Variants in NOMO2 observed in about 807,000 individuals in gnomAD.
The protein encoded by NOMO2 is NODAL modulator 2, also known as BOS complex subunit NOMO2.
A neutral mutation model predicts 67.1 loss-of-function variants in NOMO2; 14 were observed. The ratio of observed to expected loss-of-function variants is 0.21; its 90% CI spans 0.14 to 0.33. NOMO2 has a LOEUF of 0.33. Ranked by LOEUF, NOMO2 falls within the 10% of genes least tolerant of loss-of-function variation. The pLI is 1.00. For synonymous variants in NOMO2, 80 were observed against 305.9 expected (o/e 0.26, Z 7.71); for missense variants, 178 against 761.0 (o/e 0.23, Z 9.01).
At position 18,561,195 on chromosome 16, in the gene NOMO2, A is replaced by AAAAAC. The variant is rs1555467966; in HGVS notation, c.165+680_165+681insGTTTT. ...AATTAAAAAAAAAAAAAAAAAAAAAAAAAAAAAAAAAACCTTTACAAATCT... is the reference window on the plus strand; with the variant it reads ...AATTAAAAAAAAAAAAAAAAAAAAAAAAAACAAAAAAAAAAAACCTTTACAAATCT... On this transcript the variant is annotated intron_variant, in intron 1 of 30. Transcript: ENST00000622306. Among the ~76,000 whole-genome samples the AAAAAC allele has an allele frequency of 3.7e-4, 37 of 100,422 alleles. 2 individuals are homozygous for AAAAAC. Among genetic ancestry groups the AAAAAC allele is most frequent in the Non-Finnish European group, 5.5e-4 (28 of 51,196 alleles). The allele number at this position is 100,422 out of a possible 152,430, so 65.9% of individuals were successfully genotyped here.
At chr16:18,535,266 G>A (rs1008883275) in intron 11 of NOMO2, among the ~76,000 whole-genome samples, 3 of 150,674 alleles carry the variant, frequency 2.0e-5, no homozygotes, top group African/African-American at 4.9e-5. Flanking sequence ...GCAGTGAGCC[G>A]AGATGGCGCC....
intron 5 of NOMO2, 47 bp downstream of exon 5, chr16:18,549,467 ACCCCTGT>A (rs1901729237): frequency 1.4e-6 from 1 of 723,262 alleles, no homozygotes; most frequent in African/African-American, 1.8e-5. Context: ...CAGCTCCATG[ACCCCTGT>A]CAGAGCCCGG....
At chr16:18,548,440 GCAATTTACT>G (rs1401116833) in intron 5 of NOMO2, among the ~76,000 whole-genome samples, 1 of 150,972 alleles carries the variant, frequency 6.6e-6, no homozygotes, top group Non-Finnish European at 1.5e-5. Flanking sequence ...CTTCTATTTT[GCAATTTACT>G]CAGTTTGTAT....
Position 18,556,442 on chromosome 16 carries a change from CAAAA to C in NOMO2, c.255+1256_255+1259del, listed in dbSNP as rs537109562. Among the ~76,000 whole-genome samples the C allele has an allele frequency of 3.7e-5, 3 of 80,372 alleles. No homozygotes were observed. The Admixed American group carries it at 4.3e-4, about 11-fold the overall frequency. The allele number at this position is 80,372 out of a possible 152,430, so 52.7% of individuals were successfully genotyped here. A position where few individuals can be genotyped will look rare whatever the true frequency, so the allele number is the denominator to read the frequency against. ...TGGCTGACAGAGTGAGACTCTGTCT[CAAAA>C]AAAAAAAAAAAAGTCAGTAGATCTA... On this transcript the variant is annotated intron_variant, in intron 2 of 30. Coordinates refer to ENST00000622306, the MANE Select transcript of NOMO2 (RefSeq NM_173614.4).
chr16:18,534,098 C>T (rs1901366588), intron 11 of NOMO2, among the ~76,000 whole-genome samples: 1 of 151,908 alleles, frequency 6.6e-6, no homozygotes, highest in Non-Finnish European at 1.5e-5. Flanking sequence ...AATGTTGGAA[C>T]CACCACTCCG....
chr16:18,558,154 C>A (rs1377906845), intron 1 of NOMO2, among the ~76,000 whole-genome samples: 4 of 143,458 alleles, frequency 2.8e-5, no homozygotes, highest in African/African-American at 1.0e-4. Context: ...TGGCTGGGCA[C>A]GGTGGCTCAT....
At chr16:18,543,558 C>T (rs1901595049) in intron 7 of NOMO2, 59 bp downstream of exon 7, 3 of 1,609,752 alleles carry the variant, frequency 1.9e-6, no homozygotes, top group Non-Finnish European at 2.5e-6. Context: ...ATGTTCTGGT[C>T]TATAATCCCC....
intron 16 of NOMO2, among the ~76,000 whole-genome samples, chr16:18,526,864 C>T (rs1901157397): frequency 6.6e-6 from 1 of 152,018 alleles, no homozygotes. Context: ...TTTTATTGTA[C>T]ATCTTAAATA....
At chr16:18,544,940 G>A (rs1350104867) in intron 6 of NOMO2, among the ~76,000 whole-genome samples, 4 of 151,132 alleles carry the variant, frequency 2.6e-5, no homozygotes, top group Admixed American at 2.0e-4. Flanking sequence ...CACCCCAGGA[G>A]GATAAACATT....
At chr16:18,545,309 G>A (rs906665150) in intron 6 of NOMO2, among the ~76,000 whole-genome samples, 1 of 150,266 alleles carries the variant, frequency 6.7e-6, no homozygotes, top group African/African-American at 2.4e-5. Flanking sequence ...TGTTGGCCAG[G>A]TTGGTCTCGA....
chr16:18,529,936 C>T (rs1158410570), intron 14 of NOMO2, among the ~76,000 whole-genome samples: 2 of 149,936 alleles, frequency 1.3e-5, no homozygotes, highest in African/African-American at 2.5e-5. Context: ...ACCAACATAG[C>T]AAAACCCCAT....
At chr16:18,525,882 T>C (rs914477893) in intron 16 of NOMO2, among the ~76,000 whole-genome samples, 8 of 150,006 alleles carry the variant, frequency 5.3e-5, no homozygotes, top group Admixed American at 4.7e-4. Flanking sequence ...AGGCAAAAAA[T>C]AGAAGGGAAA....
intron 2 of NOMO2, among the ~76,000 whole-genome samples, 173 bp downstream of exon 2, chr16:18,557,529 G>A (rs1411215237): frequency 6.6e-6 from 1 of 152,010 alleles, no homozygotes; most frequent in South Asian, 2.1e-4. Flanking sequence ...CACTGTATTC[G>A]TCAAGGCAGT....
chr16:18,555,253 G>A (rs2141756371), intron 2 of NOMO2, among the ~76,000 whole-genome samples: 1 of 151,952 alleles, frequency 6.6e-6, no homozygotes, highest in Middle Eastern at 3.4e-3. Context: ...GATTTGGCCA[G>A]GCACAGTACC....
At chr16:18,532,897 A>G in intron 12 of NOMO2, 108 bp downstream of exon 12, 1 of 1,452,378 alleles carries the variant, frequency 6.9e-7, no homozygotes, top group Non-Finnish European at 9.2e-7. Context: ...TAAAAACAAG[A>G]AGTTGGAAAC....
chr16:18,543,107 C>T (rs1901584201), intron 7 of NOMO2, among the ~76,000 whole-genome samples: 1 of 133,794 alleles, frequency 7.5e-6, no homozygotes, highest in South Asian at 2.6e-4. Flanking sequence ...TGTGTACTTT[C>T]CATCACATAC....
intron 1 of NOMO2, among the ~76,000 whole-genome samples, chr16:18,561,187 A>AC (rs1267495313): frequency 0.011 from 1,513 of 134,196 alleles, 41 homozygotes; most frequent in Middle Eastern, 0.023. Context: ...AAAAAAAAAA[A>AC]AAAAAAAAAA....
At position 18,538,929 on chromosome 16, in the gene NOMO2, C is replaced by G; in HGVS notation, c.999G>C (p.Gly333=). The part of the protein sequence containing the change: ...VFHVMGFSVT[G]RVLNGPEGDG... ...CTCCTTCGGGTCCGTTCAAGACCCT[C>G]CCGGTGACGGAGAATCCCATGACGT... Residue 333 remains glycine (G), a synonymous_variant, in exon 10 of 31, where the codon GGG becomes GGC. Transcript: ENST00000622306. 1 of 1,551,488 alleles carries G rather than the reference C, an allele frequency of 6.4e-7. No individual in the cohort carries two copies. Among genetic ancestry groups the G allele is most frequent in the Non-Finnish European group, 8.9e-7 (1 of 1,124,792 alleles).
chr16:18,539,463 G>A (rs1282392478), intron 9 of NOMO2, among the ~76,000 whole-genome samples: 1 of 151,334 alleles, frequency 6.6e-6, no homozygotes, highest in Non-Finnish European at 1.5e-5. Context: ...AGGTCCTTAT[G>A]AAATCCACCT....
Sources: gnomAD v4.1 joint callset for allele counts (sites outside exome capture counted in the v4.1 genomes callset) on GRCh38, gnomAD v4.1.1 for gene constraint, MANE v1.5 for transcripts, NCBI Gene and HGNC (gene_info 2026-07-23, HGNC 2026-07-21) for gene names.